The following BBS2 variants were observed in gnomAD, a reference collection of about 807,000 sequenced individuals.
BBS2 encodes Bardet-Biedl syndrome 2.
A neutral mutation model predicts 83.0 loss-of-function variants in BBS2; 62 were observed. The observed-to-expected ratio is 0.75, with a 90% CI of 0.61 to 0.92. The LOEUF (loss-of-function observed/expected upper bound fraction) is 0.92. BBS2 is among the 40% of genes least tolerant of loss of function. The pLI is 0.00. For missense variants in BBS2, 784 were observed against 901.0 expected (o/e 0.87, Z 1.66); for synonymous variants, 303 against 326.1 (o/e 0.93, Z 0.76).
intron 5 of BBS2, among the ~76,000 whole-genome samples, chr16:56,506,837 C>G (rs1964435212): frequency 1.3e-5 from 2 of 152,122 alleles, no homozygotes. Flanking sequence ...TAGGACTGTT[C>G]AAGGATTTGA....
chr16:56,472,203 C>CA (rs1963228344), intron 17 of BBS2, among the ~76,000 whole-genome samples: 1 of 151,906 alleles, frequency 6.6e-6, no homozygotes, highest in African/African-American at 2.4e-5. Context: ...CCCCTAGGCT[C>CA]AAGTAATCCT....
rs530015726 is a variant in BBS2 at position 56,485,446 on chromosome 16, C to T, written c.2059+144G>A. On this transcript the variant is annotated intron_variant, in intron 16 of 16. Coordinates refer to ENST00000245157, the MANE Select transcript of BBS2 (RefSeq NM_031885.5). ...CAAACACTAGGCCGACTGACTGAAA[C>T]ATAAGTGACTGGTGCCAGCTCTGGA... 56 of 1,148,794 alleles carry T rather than the reference C, an allele frequency of 4.9e-5. No individual in the cohort carries two copies. In the South Asian group the frequency reaches 6.8e-4, roughly 14 times the overall value. 71.2% of individuals were successfully genotyped at this position (1,148,794 alleles called of 1,614,324 possible).
intron 15 of BBS2, among the ~76,000 whole-genome samples, chr16:56,493,408 A>C (rs1331559395): frequency 2.0e-5 from 3 of 150,174 alleles, no homozygotes; most frequent in Admixed American, 6.6e-5. Flanking sequence ...AAAAAAAAAA[A>C]ACCAAGGTGG....
chr16:56,483,400 G>A (rs886483765), downstream of BBS2, among the ~76,000 whole-genome samples: 1 of 152,172 alleles, frequency 6.6e-6, no homozygotes, highest in Non-Finnish European at 1.5e-5. Context: ...TGTACTGAAT[G>A]TGAAACTAGT....
chr16:56,487,109 A>G (rs1963805346), intron 15 of BBS2, among the ~76,000 whole-genome samples: 1 of 152,232 alleles, frequency 6.6e-6, no homozygotes, highest in South Asian at 2.1e-4. Context: ...ACATGATTAC[A>G]TAAGTTTCTC....
intron 15 of BBS2, among the ~76,000 whole-genome samples, chr16:56,493,383 CAAAAAAAAAAA>C (rs1177705335): frequency 8.3e-5 from 2 of 24,028 alleles, no homozygotes; most frequent in East Asian, 1.8e-3. Context: ...GACCTTGTCT[CAAAAAAAAAAA>C]AAAAAAAAAA....
chr16:56,499,041 G>A (rs1964191348), intron 12 of BBS2: 1 of 242,398 alleles, frequency 4.1e-6, no homozygotes. Context: ...ACACAATAAG[G>A]AAAATATAAG....
chr16:56,500,631 A>C lies in BBS2; in HGVS notation c.1397+223T>G. On this transcript the variant is annotated intron_variant, in intron 11 of 16. Coordinates refer to ENST00000245157, the MANE Select transcript of BBS2 (RefSeq NM_031885.5). ...CAAAGCTAGAATCTGTCTCAAAAAA[A>C]AAAAAAAAAAAAGAACCATCTTAAA... 3 of 516,718 alleles carry C rather than the reference A, an allele frequency of 5.8e-6. No individual in the cohort carries two copies. The South Asian group carries it at 6.6e-5, about 11-fold the overall frequency. The allele number at this position is 516,718 out of a possible 1,614,324, so 32.0% of individuals were successfully genotyped here. A position where few individuals can be genotyped will look rare whatever the true frequency, so the allele number is the denominator to read the frequency against.
downstream of BBS2, among the ~76,000 whole-genome samples, chr16:56,479,973 T>A (rs1337056039): frequency 3.3e-5 from 5 of 152,222 alleles, no homozygotes; most frequent in Admixed American, 1.3e-4. Context: ...ACCCGCCCTA[T>A]GGGCTTCAAG....
At chr16:56,498,637 C>A in intron 12 of BBS2, 69 bp from the exon 13 acceptor site, 1 of 1,604,796 alleles carries the variant, frequency 6.2e-7, no homozygotes, top group Non-Finnish European at 8.5e-7. Flanking sequence ...TAATGTGCCT[C>A]TAGATATGAA....
At chr16:56,510,124 A>AATT in intron 4 of BBS2, 90 bp from the exon 5 acceptor site, 6 of 1,143,258 alleles carry the variant, frequency 5.2e-6, no homozygotes, top group African/African-American at 1.5e-5. Context: ...AGTACTTTGC[A>AATT]TGCTGCTTCT....
intron 17 of BBS2, chr16:56,478,164 T>A (rs1373531559): frequency 6.6e-6 from 1 of 152,050 alleles, no homozygotes; most frequent in African/African-American, 2.4e-5. Flanking sequence ...AGACCACAAT[T>A]TTTTTTGCGT....
At chr16:56,470,879 C>G in intron 17 of BBS2, 10 of 1,293,196 alleles carry the variant, frequency 7.7e-6, no homozygotes, top group African/African-American at 1.5e-5. Flanking sequence ...TATTGAGCAT[C>G]TACTGTGCCC....
At position 56,484,960 on chromosome 16, in the gene BBS2, GA is replaced by G; in HGVS notation, c.2060-94del. The G allele has an allele frequency of 3.3e-6, 3 of 918,968 alleles. No homozygotes were observed. In the East Asian group the frequency reaches 7.8e-5, roughly 24 times the overall value. The allele number at this position is 918,968 out of a possible 1,614,324, so 56.9% of individuals were successfully genotyped here. A position where few individuals can be genotyped will look rare whatever the true frequency, so the allele number is the denominator to read the frequency against. ...TTTAAAACAACATAAAACCAGGAGG[GA>G]AAAGAGTTATACTTGAAATATGATT... On this transcript the variant is annotated intron_variant, in intron 16 of 16. Transcript: ENST00000245157.
rs533679795 is a variant in BBS2, at chr16:56,498,380, G to C, written c.1659+57C>G. ...ATGCCCCTCTCATTCCATGGTCTAA[G>C]TGTTTGAATAAATAAATTCAAAAAA... On this transcript the variant is annotated intron_variant, in intron 13 of 16. Transcript: ENST00000245157. 5.0e-6 allele frequency: 8 copies of C among 1,590,178 alleles called. No homozygotes were observed. In the South Asian group the frequency reaches 8.9e-5, roughly 18 times the overall value.
Position 56,514,481 on chromosome 16 carries a change from T to C in BBS2, c.317A>G (p.Tyr106Cys), listed in dbSNP as rs759489551. Residue 106 changes from tyrosine (Y) to cysteine (C), a missense_variant, in exon 2 of 17, where the codon TAC becomes TGC. Tyr to Cys is a radical substitution (Grantham distance 194). Transcript: ENST00000245157. Reference sequence around the variant, plus strand: ...TCTGTAGAACAAATCCGAATTATTGTAGACATCATAAGCCAAAAGATTAGT... The same window carrying C: ...TCTGTAGAACAAATCCGAATTATTGCAGACATCATAAGCCAAAAGATTAGT... ...TQTNLLAYDV[Y>C]NNSDLFYREV... The C allele has an allele frequency of 3.1e-6, 5 of 1,614,170 alleles. No individual in the cohort carries two copies. In the South Asian group the frequency reaches 3.3e-5, roughly 11 times the overall value.
At chr16:56,481,727 C>T (rs987456442), downstream of BBS2, among the ~76,000 whole-genome samples, 1 of 152,194 alleles carries the variant, frequency 6.6e-6, no homozygotes, top group East Asian at 1.9e-4. Flanking sequence ...TCTCCTTGTC[C>T]AGTTTTTCCT....
Position 56,501,701 on chromosome 16 carries a change from A to C in BBS2, c.1081-204T>G, listed in dbSNP as rs9929724. On this transcript the variant is annotated intron_variant, in intron 9 of 16. Transcript: ENST00000245157. ...TGGCCCTGTGGGAAAATACCCTTGC[A>C]TCTTTCTATGGGTATGGTCCACTGT... is the stretch of plus-strand genomic sequence containing the variant. 0.64 allele frequency: 414,888 copies of C among 650,476 alleles called. 136,050 individuals are homozygous for C. Among genetic ancestry groups the C allele is most frequent in the African/African-American group, 0.92 (50,773 of 55,116 alleles). The allele number at this position is 650,476 out of a possible 1,614,324, so 40.3% of individuals were successfully genotyped here.
At chr16:56,487,707 A>C (rs1359738487) in intron 15 of BBS2, among the ~76,000 whole-genome samples, 1 of 152,194 alleles carries the variant, frequency 6.6e-6, no homozygotes, top group Non-Finnish European at 1.5e-5. Flanking sequence ...ACATCATCTC[A>C]ATTAAAATAC....
Sources: gnomAD v4.1 joint callset for allele counts (sites outside exome capture counted in the v4.1 genomes callset) on GRCh38, gnomAD v4.1.1 for gene constraint, MANE v1.5 for transcripts, NCBI Gene and HGNC (gene_info 2026-07-23, HGNC 2026-07-21) for gene names.